RORA: variants seen among roughly 807,000 people sequenced by gnomAD.
RORA encodes the protein RAR related orphan receptor A.
Under a neutral mutation model 69.5 loss-of-function variants are expected in RORA, and 7 were observed. The ratio of observed to expected loss-of-function variants is 0.10; its 90% confidence interval spans 0.06 to 0.19. The LOEUF (loss-of-function observed/expected upper bound fraction) is 0.19. RORA is among the 10% of genes least tolerant of loss of function. RORA has a pLI of 1.00. For missense variants in RORA, 457 were observed against 663.0 expected (o/e 0.69, Z 3.41); for synonymous variants, 261 against 240.8 (o/e 1.08, Z -0.78).
intron 1 of RORA, among the ~76,000 whole-genome samples, chr15:61,047,113 G>C (rs1897068868): frequency 6.6e-6 from 1 of 152,190 alleles, no homozygotes; most frequent in Non-Finnish European, 1.5e-5. Context: ...TATTCTAGAA[G>C]GGGTCTGGGT....
chr15:61,005,931 G>C (rs1894896930), intron 1 of RORA, among the ~76,000 whole-genome samples: 1 of 151,736 alleles, frequency 6.6e-6, no homozygotes, highest in Admixed American at 6.6e-5. Context: ...TAGGCTTAGA[G>C]CCATATATAT....
intron 1 of RORA, among the ~76,000 whole-genome samples, chr15:60,712,585 C>T (rs1394799785): frequency 6.6e-6 from 1 of 152,180 alleles, no homozygotes; most frequent in Non-Finnish European, 1.5e-5. Flanking sequence ...CAGTCATCTG[C>T]GATAGGACCC....
intron 1 of RORA, among the ~76,000 whole-genome samples, chr15:60,920,654 A>C (rs929953003): frequency 2.6e-5 from 4 of 152,224 alleles, no homozygotes; most frequent in Non-Finnish European, 4.4e-5. Context: ...GAGCTATTAC[A>C]ATAGATATTG....
intron 1 of RORA, among the ~76,000 whole-genome samples, chr15:61,219,593 A>G (rs2140945910): frequency 6.6e-6 from 1 of 152,144 alleles, no homozygotes; most frequent in Non-Finnish European, 1.5e-5. Flanking sequence ...AAAAAAAAAA[A>G]ATCCTCATTA....
At chr15:61,065,488 C>A (rs1027728132) in intron 1 of RORA, among the ~76,000 whole-genome samples, 4 of 152,126 alleles carry the variant, frequency 2.6e-5, no homozygotes, top group Admixed American at 2.6e-4. Context: ...TAAACCATGT[C>A]TCTGCAATCC....
chr15:61,108,863 G>A (rs1465216529), intron 1 of RORA, among the ~76,000 whole-genome samples: 5 of 152,242 alleles, frequency 3.3e-5, no homozygotes, highest in Admixed American at 2.6e-4. Flanking sequence ...AATTAGGAAT[G>A]TGCCAATACT....
At chr15:60,560,157 T>C (rs569108938) in intron 2 of RORA, among the ~76,000 whole-genome samples, 3 of 152,204 alleles carry the variant, frequency 2.0e-5, no homozygotes, top group Non-Finnish European at 4.4e-5. Context: ...TCCAGAACAT[T>C]TGACTCCCTT....
At chr15:60,787,026 T>C (rs1270159313) in intron 1 of RORA, among the ~76,000 whole-genome samples, 2 of 152,228 alleles carry the variant, frequency 1.3e-5, no homozygotes, top group African/African-American at 4.8e-5. Context: ...TACCTAAGAC[T>C]TTCAGTCTAT....
intron 1 of RORA, among the ~76,000 whole-genome samples, chr15:61,029,688 A>G (rs912716492): frequency 6.6e-6 from 1 of 152,176 alleles, no homozygotes; most frequent in African/African-American, 2.4e-5. Context: ...TCTGAGGGTA[A>G]AGAAGGGGAA....
chr15:60,596,240 A>G (rs1246689315), intron 2 of RORA, among the ~76,000 whole-genome samples: 2 of 152,088 alleles, frequency 1.3e-5, no homozygotes, highest in Non-Finnish European at 2.9e-5. Flanking sequence ...GACAAAGGTG[A>G]TTTCAAAGTT....
chr15:60,944,280 G>A (rs1481656392), intron 1 of RORA, among the ~76,000 whole-genome samples: 1 of 152,164 alleles, frequency 6.6e-6, no homozygotes, highest in South Asian at 2.1e-4. Context: ...GCCCCAGGAA[G>A]ATCCTCCCAT....
chr15:60,958,917 G>A (rs138904711), intron 1 of RORA, among the ~76,000 whole-genome samples: 20 of 152,302 alleles, frequency 1.3e-4, no homozygotes, highest in African/African-American at 4.3e-4. Context: ...AGACCTCACA[G>A]AGGCAATGGC....
At chr15:61,050,568 C>A (rs1897245255) in intron 1 of RORA, among the ~76,000 whole-genome samples, 2 of 152,126 alleles carry the variant, frequency 1.3e-5, no homozygotes, top group South Asian at 4.1e-4. Flanking sequence ...GCACAAACAA[C>A]TGGGGGGCAA....
At position 60,537,274 on chromosome 15, in the gene RORA, T is replaced by G. The variant is rs1328333804; in HGVS notation, c.197-5423A>C. On this transcript the variant is annotated intron_variant, in intron 2 of 10. Coordinates refer to ENST00000335670, the MANE Select transcript of RORA (RefSeq NM_134261.3). The surrounding 1 kb of genome is among the most constrained non-coding windows in gnomAD (Gnocchi z 4.9). ...CTTCTAAAGATGGTCATGCAGGTTG[T>G]GCTCTGCCCAGTGCGGCCTAGCTGA... is the stretch of plus-strand genomic sequence containing the variant. 1.3e-5 allele frequency among the ~76,000 whole-genome samples: 2 copies of G among 152,204 alleles called. No homozygotes were observed. Among genetic ancestry groups the G allele is most frequent in the African/African-American group, 4.8e-5 (2 of 41,452 alleles).
At chr15:60,899,894 T>C (rs938539781) in intron 1 of RORA, among the ~76,000 whole-genome samples, 2 of 152,210 alleles carry the variant, frequency 1.3e-5, no homozygotes, top group African/African-American at 2.4e-5. Context: ...ACAGCCAATA[T>C]AGCAGAGTGG....
intron 1 of RORA, among the ~76,000 whole-genome samples, chr15:61,001,666 T>C (rs1248057456): frequency 6.6e-6 from 1 of 152,146 alleles, no homozygotes; most frequent in African/African-American, 2.4e-5. Context: ...GAAGCCAACA[T>C]GGTAACTGTG....
At chr15:60,992,330 A>AT (rs1894405829) in intron 1 of RORA, among the ~76,000 whole-genome samples, 1 of 152,200 alleles carries the variant, frequency 6.6e-6, no homozygotes, top group Non-Finnish European at 1.5e-5. Flanking sequence ...TTAACCTAAG[A>AT]TTTTAAGAAA....
chr15:60,678,443 G>A (rs2070587341), intron 2 of RORA: 1 of 498,064 alleles, frequency 2.0e-6, no homozygotes, highest in Non-Finnish European at 3.6e-6. Context: ...GAATTCATCA[G>A]AATATGTCTC....
At chr15:60,853,481 A>T (rs2073347212) in intron 1 of RORA, among the ~76,000 whole-genome samples, 2 of 152,218 alleles carry the variant, frequency 1.3e-5, no homozygotes, top group Admixed American at 1.3e-4. Flanking sequence ...TCTACAAAAG[A>T]CTACAAGATT....
Sources: gnomAD v4.1 joint callset for allele counts (sites outside exome capture counted in the v4.1 genomes callset) on GRCh38, gnomAD v4.1.1 for gene constraint, Gnocchi (gnomAD v3.1) non-coding constraint, MANE v1.5 for transcripts, NCBI Gene and HGNC (gene_info 2026-07-23, HGNC 2026-07-21) for gene names.